ROS1: variants seen among roughly 807,000 people sequenced by gnomAD.
ROS1 encodes proto-oncogene tyrosine-protein kinase ROS.
A neutral mutation model predicts 273.5 loss-of-function variants in ROS1; 263 were observed. The observed-to-expected ratio is 0.96, with a 90% CI of 0.87 to 1.06. ROS1 has a LOEUF of 1.06. ROS1 is among the 50% of genes least tolerant of loss of function. The probability of loss-of-function intolerance (pLI) is 0.00; values close to 1 mark genes in which losing one functional copy is unlikely to be tolerated. For synonymous variants in ROS1, 1,008 were observed against 954.1 expected (o/e 1.06, Z -1.04); for missense variants, 2,833 against 2,751.1 (o/e 1.03, Z -0.67).
chr6:117,350,592 C>T (rs375774324), intron 27 of ROS1, among the ~76,000 whole-genome samples: 2 of 150,910 alleles, frequency 1.3e-5, no homozygotes, highest in East Asian at 1.9e-4. Flanking sequence ...TCTTCTGTTC[C>T]TTTCTCTCTT....
At position 117,311,055 on chromosome 6, in the gene ROS1, G is replaced by T. The variant is rs1452889707; in HGVS notation, c.6180C>A (p.Gly2060=). ...LVDLCVDISK[G]CVYLERMHFI... ...AATGCATCCGTTCCAAGTAGACACA[G>T]CCTTTTGAAATATCTACACACAGGT... Residue 2060 remains glycine (G), a synonymous_variant, in exon 40 of 44, where the codon GGC becomes GGA. Transcript: ENST00000368507. 1.2e-6 allele frequency: 2 copies of T among 1,611,242 alleles called. No individual in the cohort carries two copies. Among genetic ancestry groups the T allele is most frequent in the Non-Finnish European group, 1.7e-6 (2 of 1,178,414 alleles).
Position 117,424,090 on chromosome 6 carries a change from G to A in ROS1, c.123+1444C>T, listed in dbSNP as rs1355077203. ...ACAAAAAGATAAGAATAAATAAAAC[G>A]ACAGTAAAATAAAATGGAGACTGCA... On this transcript the variant is annotated intron_variant, in intron 1 of 43. Coordinates refer to ENST00000368507, the MANE Select transcript of ROS1 (RefSeq NM_001378902.1). Among the ~76,000 whole-genome samples, 5 of 152,118 alleles carry A rather than the reference G, an allele frequency of 3.3e-5. No individual in the cohort carries two copies. In the East Asian group the frequency reaches 9.6e-4, roughly 29 times the overall value.
intron 32 of ROS1, among the ~76,000 whole-genome samples, chr6:117,331,983 ATAACAATACCTACCT>A (rs1321227990): frequency 1.3e-5 from 2 of 152,204 alleles, no homozygotes; most frequent in Non-Finnish European, 2.9e-5. Context: ...TCAAACTCAC[ATAACAATACCTACCT>A]TAAATGTAAA....
At position 117,310,301 on chromosome 6, in the gene ROS1, T is replaced by TAAC; in HGVS notation, c.6216-21_6216-20insGTT. 8.1e-7 allele frequency: 1 copy of TAAC among 1,241,858 alleles called. No individual in the cohort carries two copies. Among genetic ancestry groups the TAAC allele is most frequent in the South Asian group, 1.4e-5 (1 of 69,160 alleles). The allele number at this position is 1,241,858 out of a possible 1,614,324, so 76.9% of individuals were successfully genotyped here. On this transcript the variant is annotated intron_variant, in intron 40 of 43. Coordinates refer to ENST00000368507, the MANE Select transcript of ROS1 (RefSeq NM_001378902.1). ...AGATCCCTGTGGCAGAAGTTATATT[T>TAAC]AATAATAATAATAATAACAACAATA...
intron 43 of ROS1, among the ~76,000 whole-genome samples, chr6:117,298,753 G>A (rs1774447961): frequency 6.6e-6 from 1 of 152,168 alleles, no homozygotes; most frequent in Non-Finnish European, 1.5e-5. Context: ...GCTTCCAAGA[G>A]AAAGAAATAC....
chr6:117,369,141 A>G (rs1037993625), intron 18 of ROS1, among the ~76,000 whole-genome samples: 2 of 152,196 alleles, frequency 1.3e-5, no homozygotes, highest in Admixed American at 6.5e-5. Flanking sequence ...CAATCTCTAT[A>G]TATAAAACTT....
chr6:117,339,387 TGACAGA>T (rs1385758393), intron 31 of ROS1, among the ~76,000 whole-genome samples: 1 of 152,120 alleles, frequency 6.6e-6, no homozygotes, highest in Non-Finnish European at 1.5e-5. Flanking sequence ...TTGACAGAAA[TGACAGA>T]GACAAAGTTT....
At chr6:117,321,565 T>A (rs1180731187) in intron 35 of ROS1, among the ~76,000 whole-genome samples, 171 bp from the exon 36 acceptor site, 1 of 152,136 alleles carries the variant, frequency 6.6e-6, no homozygotes, top group East Asian at 1.9e-4. Context: ...ACTAATTAAA[T>A]CCAGGTAAAA....
rs1040880336 is a variant in ROS1, at chr6:117,344,124, T to C, written c.4442A>G (p.Tyr1481Cys). ...ATTAACTTCTGCATAATAAACCAGG[T>C]ATGTTGGAGTAGGGCTGGTGATGCC... ...WYGITSPTPTYLVYYAEVNDR... is the reference protein window; with the variant it reads ...WYGITSPTPTCLVYYAEVNDR... The change falls in exon 28 of 44, where the codon TAC becomes TGC. Residue 1481 changes from tyrosine (Y) to cysteine (C), a missense_variant. Coordinates refer to ENST00000368507, the MANE Select transcript of ROS1 (RefSeq NM_001378902.1). 3 of 1,613,794 alleles carry C rather than the reference T, an allele frequency of 1.9e-6. No individual in the cohort carries two copies. Among genetic ancestry groups the C allele is most frequent in the African/African-American group, 2.7e-5 (2 of 74,888 alleles).
At chr6:117,361,797 G>C (rs1779823660) in intron 22 of ROS1, among the ~76,000 whole-genome samples, 1 of 151,762 alleles carries the variant, frequency 6.6e-6, no homozygotes, top group Admixed American at 6.6e-5. Context: ...CACTCCCCAA[G>C]ATGTTATTTT....
chr6:117,334,047 G>A (rs1196126984), intron 32 of ROS1, among the ~76,000 whole-genome samples: 1 of 152,182 alleles, frequency 6.6e-6, no homozygotes, highest in Non-Finnish European at 1.5e-5. Flanking sequence ...AAGAGAGGAA[G>A]TCAAGTTGTC....
rs755751748 is a variant in ROS1, at chr6:117,397,068, T to C, written c.653A>G (p.Asp218Gly). 1.9e-6 allele frequency: 3 copies of C among 1,614,006 alleles called. No individual in the cohort carries two copies. The highest frequency in any genetic ancestry group is 2.2e-5 in the South Asian group (2 of 91,066). ...LIRNIESSSP[D>G]TVEVSWDPPQ... is the part of the protein sequence containing the mutation. The stretch of plus-strand genomic sequence containing the variant: ...TGGATCCCAGCTGACTTCCACAGTG[T>C]CGGGACTTGAGCTCTCAATATTCCT... Residue 218 changes from aspartate (D) to glycine (G), a missense_variant, in exon 8 of 44, where the codon GAC becomes GGC. Physicochemically the swap from Asp to Gly is moderately conservative, Grantham distance 94. Coordinates refer to ENST00000368507, the MANE Select transcript of ROS1 (RefSeq NM_001378902.1).
Position 117,356,765 on chromosome 6 carries a change from C to T in ROS1, c.3990G>A (p.Glu1330=), listed in dbSNP as rs779769013. The change falls in exon 26 of 44, where the codon GAG becomes GAA. Residue 1330 remains glutamate, a synonymous_variant. Coordinates refer to ENST00000368507, the MANE Select transcript of ROS1 (RefSeq NM_001378902.1). ...TATCAATAGCCATTGCTCCACTTAA[C>T]TCAAATTCAGTCACATTACAAGAAC... is the stretch of plus-strand genomic sequence containing the variant. ...NQCSCNVTEF[E]LSGAMAIDTS... The T allele has an allele frequency of 1.2e-6, 2 of 1,614,138 alleles. No homozygotes were observed. The highest frequency in any genetic ancestry group is 1.7e-6 in the Non-Finnish European group (2 of 1,180,022).
chr6:117,308,779 A>G lies in ROS1; in HGVS notation c.6551+15T>C, dbSNP rs2128545817. On this transcript the variant is annotated intron_variant, in intron 42 of 43. Coordinates refer to ENST00000368507, the MANE Select transcript of ROS1 (RefSeq NM_001378902.1). ...TTTTGTTTGGGGGATACATATGTTAACATAATTAACTTACAGATCATCAGG... is the reference window on the plus strand; with the variant it reads ...TTTTGTTTGGGGGATACATATGTTAGCATAATTAACTTACAGATCATCAGG... The G allele has an allele frequency of 6.2e-7, 1 of 1,610,410 alleles. No individual in the cohort carries two copies. Among genetic ancestry groups the G allele is most frequent in the Non-Finnish European group, 8.5e-7 (1 of 1,178,528 alleles).
rs544407860 is a variant in ROS1, at chr6:117,383,352, C to A, written c.2446G>T (p.Val816Leu). 3.7e-6 allele frequency: 6 copies of A among 1,614,014 alleles called. No individual in the cohort carries two copies. Among genetic ancestry groups the A allele is most frequent in the Middle Eastern group, 1.6e-4 (1 of 6,062 alleles). ...STRLNGESSL[V>L]LQTQPWFSGK... ...GAAAACCAAGGCTGTGTCTGTAGTACAAGGGAACTTTCCCCATTTAGTCTG... is the reference window on the plus strand; with the variant it reads ...GAAAACCAAGGCTGTGTCTGTAGTAAAAGGGAACTTTCCCCATTTAGTCTG... Residue 816 changes from valine to leucine, a missense_variant, in exon 17 of 44, where the codon GTA becomes TTA. Coordinates refer to ENST00000368507, the MANE Select transcript of ROS1 (RefSeq NM_001378902.1).
At chr6:117,359,682 T>C (rs905438622) in intron 24 of ROS1, 127 bp downstream of exon 24, 6 of 747,646 alleles carry the variant, frequency 8.0e-6, no homozygotes, top group East Asian at 5.3e-5. Context: ...TAAATAATTA[T>C]ACAATATCTG....
chr6:117,366,436 G>T, intron 18 of ROS1, 146 bp from the exon 19 acceptor site: 1 of 622,440 alleles, frequency 1.6e-6, no homozygotes, highest in Non-Finnish European at 2.8e-6. Context: ...AACGATTATT[G>T]TCTTTTTTTG....
At chr6:117,367,985 T>C (rs1780411950) in intron 18 of ROS1, among the ~76,000 whole-genome samples, 1 of 152,220 alleles carries the variant, frequency 6.6e-6, no homozygotes, top group Admixed American at 6.5e-5. Context: ...CTGATTTACC[T>C]GCCATTTATT....
intron 27 of ROS1, among the ~76,000 whole-genome samples, chr6:117,346,612 T>G (rs1778400513): frequency 6.6e-6 from 1 of 151,980 alleles, no homozygotes; most frequent in Non-Finnish European, 1.5e-5. Flanking sequence ...CAGTTTTAGA[T>G]TCACAGCAAA....
Sources: allele counts gnomAD v4.1 joint callset (sites outside exome capture counted in the v4.1 genomes callset), GRCh38; gene constraint gnomAD v4.1.1; transcripts MANE v1.5; gene names NCBI Gene and HGNC (gene_info 2026-07-23, HGNC 2026-07-21).